Variants in CLNK observed in about 807,000 individuals in gnomAD.
CLNK encodes cytokine-dependent hematopoietic cell linker.
Under a neutral mutation model 68.6 loss-of-function variants are expected in CLNK, and 74 were observed. That is an observed-to-expected ratio of 1.08 (90% confidence interval 0.89 to 1.31). CLNK has a LOEUF of 1.31. Among genes scored for constraint, CLNK ranks in the 50% most tolerant of loss-of-function variants. CLNK has a pLI of 0.00. For missense variants in CLNK, 553 were observed against 515.3 expected, an observed-to-expected ratio of 1.07 and a Z score of -0.71; for synonymous variants, 198 against 172.2, an observed-to-expected ratio of 1.15 and a Z score of -1.17.
chr4:10,653,359 TA>T (rs898415789), intron 2 of CLNK, among the ~76,000 whole-genome samples: 25 of 144,970 alleles, frequency 1.7e-4, no homozygotes, highest in Admixed American at 4.9e-4. Context: ...ACTTAAAGTA[TA>T]AAAAAAAAGA....
chr4:10,490,919 C>G (rs189577083), intron 18 of CLNK, among the ~76,000 whole-genome samples: 6 of 110,156 alleles, frequency 5.4e-5, no homozygotes, highest in Admixed American at 1.9e-4. Context: ...CATGCGCCAC[C>G]ACGCCCAGCT....
At chr4:10,630,331 C>T (rs1046082923) in intron 2 of CLNK, among the ~76,000 whole-genome samples, 2 of 152,182 alleles carry the variant, frequency 1.3e-5, no homozygotes, top group African/African-American at 2.4e-5. Flanking sequence ...TGAAGATAAG[C>T]TCTTGTCACC....
the CLNK span, among the ~76,000 whole-genome samples, chr4:10,705,581 T>C: frequency 1.3e-5 from 2 of 152,166 alleles, no homozygotes; most frequent in East Asian, 1.9e-4. Flanking sequence ...TCCCACAGTG[T>C]TGGGCTGAAC....
chr4:10,598,361 G>A (rs1029217794), intron 2 of CLNK, among the ~76,000 whole-genome samples: 7 of 152,184 alleles, frequency 4.6e-5, no homozygotes, highest in Admixed American at 2.0e-4. Flanking sequence ...CCTTGGTACC[G>A]TCCTTAAGCT....
intron 2 of CLNK, among the ~76,000 whole-genome samples, chr4:10,631,421 CCAAG>C (rs1722885876): frequency 6.6e-6 from 1 of 152,058 alleles, no homozygotes; most frequent in African/African-American, 2.4e-5. Flanking sequence ...GATGCTCAGA[CCAAG>C]AAAGAAAGAA....
chr4:10,711,973 G>T, the CLNK span, among the ~76,000 whole-genome samples: 1 of 152,058 alleles, frequency 6.6e-6, no homozygotes, highest in Non-Finnish European at 1.5e-5. Context: ...CTGGGGCACC[G>T]GGAGACAATG....
chr4:10,663,790 G>C (rs1238549287), intron 2 of CLNK, among the ~76,000 whole-genome samples: 1 of 152,172 alleles, frequency 6.6e-6, no homozygotes, highest in Non-Finnish European at 1.5e-5. Context: ...CAAGGTAAGG[G>C]TATTAAAAGG....
At chr4:10,645,827 G>C (rs532504827) in intron 2 of CLNK, among the ~76,000 whole-genome samples, 1 of 152,080 alleles carries the variant, frequency 6.6e-6, no homozygotes, top group Non-Finnish European at 1.5e-5. Context: ...GTAGCTAGAA[G>C]AGAAGAATTT....
chr4:10,675,310 A>G (rs939135841), intron 1 of CLNK, among the ~76,000 whole-genome samples: 2 of 152,238 alleles, frequency 1.3e-5, no homozygotes, highest in East Asian at 3.8e-4. Flanking sequence ...TTCTGAGCTC[A>G]GAACCCACCT....
chr4:10,586,090 C>T (rs955293478), intron 3 of CLNK, among the ~76,000 whole-genome samples: 5 of 152,150 alleles, frequency 3.3e-5, no homozygotes, highest in Non-Finnish European at 7.4e-5. Flanking sequence ...TCTAATGCTG[C>T]TGCTGCTCCG....
chr4:10,669,656 G>A (rs1450077875), intron 1 of CLNK, among the ~76,000 whole-genome samples: 1 of 152,162 alleles, frequency 6.6e-6, no homozygotes, highest in African/African-American at 2.4e-5. Context: ...AACTTCAACT[G>A]TGTGATCTTC....
chr4:10,731,658 A>G, the CLNK span, among the ~76,000 whole-genome samples: 2 of 152,334 alleles, frequency 1.3e-5, no homozygotes, highest in African/African-American at 4.8e-5. Flanking sequence ...GTTATTAACC[A>G]ATAATTTCTT....
chr4:10,546,629 A>G (rs1719243063), intron 8 of CLNK, among the ~76,000 whole-genome samples: 1 of 152,060 alleles, frequency 6.6e-6, no homozygotes, highest in Admixed American at 6.6e-5. Flanking sequence ...AACATTTTCT[A>G]TCCTGCTCCT....
At chr4:10,677,460 C>T (rs557874851) in intron 1 of CLNK, among the ~76,000 whole-genome samples, 1 of 152,118 alleles carries the variant, frequency 6.6e-6, no homozygotes, top group African/African-American at 2.4e-5. Context: ...AGTAATACAA[C>T]TTAGAGTAGT....
chr4:10,728,600 CTTTCTTTTTT>C, the CLNK span, among the ~76,000 whole-genome samples: 1 of 125,574 alleles, frequency 8.0e-6, no homozygotes, highest in African/African-American at 3.0e-5. Context: ...TTCTTTCTTT[CTTTCTTTTTT>C]TTTTTTTTTT....
chr4:10,550,866 C>A (rs1008522017), intron 8 of CLNK, among the ~76,000 whole-genome samples: 6 of 152,212 alleles, frequency 3.9e-5, no homozygotes, highest in Non-Finnish European at 7.3e-5. Context: ...GTCAGCATCA[C>A]TGCTCTTGCG....
the CLNK span, among the ~76,000 whole-genome samples, chr4:10,714,901 T>C: frequency 6.6e-6 from 1 of 152,132 alleles, no homozygotes; most frequent in Admixed American, 6.5e-5. Flanking sequence ...GAGGTAAGAA[T>C]TTTTCTTTTT....
chr4:10,660,144 CA>C (rs1220743586), intron 2 of CLNK, among the ~76,000 whole-genome samples: 1 of 152,200 alleles, frequency 6.6e-6, no homozygotes, highest in African/African-American at 2.4e-5. Context: ...GTTTAGTTCA[CA>C]ATATTTCCTA....
At chr4:10,616,275 T>C (rs886921391) in intron 2 of CLNK, among the ~76,000 whole-genome samples, 2 of 152,210 alleles carry the variant, frequency 1.3e-5, no homozygotes, top group African/African-American at 2.4e-5. Flanking sequence ...ACCACAGAAA[T>C]TGGCACATGC....
Sources: gnomAD v4.1 joint callset for allele counts (sites outside exome capture counted in the v4.1 genomes callset) on GRCh38, gnomAD v4.1.1 for gene constraint, MANE v1.5 for transcripts, NCBI Gene and HGNC (gene_info 2026-07-23, HGNC 2026-07-21) for gene names.